Variants in CNTN4 observed in about 807,000 individuals in gnomAD.
CNTN4 encodes contactin-4.
Under a neutral mutation model 122.5 loss-of-function variants are expected in CNTN4, and 77 were observed. The observed-to-expected ratio is 0.63, with a 90% CI of 0.52 to 0.76. The LOEUF is 0.76. CNTN4 is among the 30% of genes least tolerant of loss of function. The pLI, the probability that CNTN4 is intolerant of heterozygous loss-of-function variation, is 0.00. For missense variants in CNTN4, 1,256 were observed against 1,259.1 expected (o/e 1.00, Z 0.04); for synonymous variants, 512 against 447.0 (o/e 1.15, Z -1.83).
At chr3:2,475,597 C>T (rs1190066315) in intron 3 of CNTN4, among the ~76,000 whole-genome samples, 1 of 152,150 alleles carries the variant, frequency 6.6e-6, no homozygotes. Context: ...TTCCCTTCTG[C>T]CAATCTCCCA....
At chr3:2,530,443 G>T (rs925275235) in intron 3 of CNTN4, among the ~76,000 whole-genome samples, 2 of 151,608 alleles carry the variant, frequency 1.3e-5, no homozygotes, top group Non-Finnish European at 2.9e-5. Flanking sequence ...CGGATAGCTG[G>T]GATTACAGAT....
intron 3 of CNTN4, among the ~76,000 whole-genome samples, chr3:2,554,344 A>C (rs2149381775): frequency 6.6e-6 from 1 of 151,328 alleles, no homozygotes; most frequent in African/African-American, 2.4e-5. Context: ...ATTTAGAGCA[A>C]AAAAAAACCC....
At position 2,571,492 on chromosome 3, in the gene CNTN4, C is replaced by T. The variant is rs778610345; in HGVS notation, c.-12C>T. 6.2e-6 allele frequency: 10 copies of T among 1,610,448 alleles called. No individual in the cohort carries two copies. Among genetic ancestry groups the T allele is most frequent in the Admixed American group, 3.3e-5 (2 of 59,990 alleles). On this transcript the variant is annotated 5_prime_UTR_variant, in exon 4 of 25. Coordinates refer to ENST00000418658, the MANE Select transcript of CNTN4 (RefSeq NM_175607.3). ...TTGGACTTGAAACTCCCTTTGACCTCGGAAACTGAAGATGAGGTTGCCATG... is the reference window on the plus strand; with the variant it reads ...TTGGACTTGAAACTCCCTTTGACCTTGGAAACTGAAGATGAGGTTGCCATG...
intron 3 of CNTN4, among the ~76,000 whole-genome samples, chr3:2,423,224 A>G (rs2047678490): frequency 6.6e-6 from 1 of 152,188 alleles, no homozygotes; most frequent in Non-Finnish European, 1.5e-5. Flanking sequence ...TATTTTTTCC[A>G]AATGGACAAT....
chr3:2,241,073 C>A (rs1175054233), intron 2 of CNTN4, among the ~76,000 whole-genome samples: 1 of 151,946 alleles, frequency 6.6e-6, no homozygotes, highest in Non-Finnish European at 1.5e-5. Flanking sequence ...TGTTACTCCC[C>A]TTCAAAAGAA....
chr3:2,708,733 A>T lies in CNTN4; in HGVS notation c.56-27482A>T, dbSNP rs1182502681. Among the ~76,000 whole-genome samples the T allele has an allele frequency of 9.3e-3, 163 of 17,548 alleles. 1 individual carries two copies. The highest frequency in any genetic ancestry group is 0.041 in the Admixed American group (72 of 1,754). 11.5% of individuals were successfully genotyped at this position (17,548 alleles called of 152,430 possible). A position where few individuals can be genotyped will look rare whatever the true frequency, so the allele number is the denominator to read the frequency against. The stretch of plus-strand genomic sequence containing the variant: ...AGGCACGCGCACGCGCGCATCACAC[A>T]CACACACACACACACACACACACAC... On this transcript the variant is annotated intron_variant, in intron 4 of 24. Transcript: ENST00000418658.
intron 2 of CNTN4, among the ~76,000 whole-genome samples, chr3:2,309,967 G>C (rs2150131945): frequency 6.6e-6 from 1 of 152,190 alleles, no homozygotes; most frequent in Non-Finnish European, 1.5e-5. Context: ...AAGCTTACTT[G>C]TATTAAATAC....
At chr3:2,831,386 A>C (rs2093101317) in intron 7 of CNTN4, among the ~76,000 whole-genome samples, 1 of 152,258 alleles carries the variant, frequency 6.6e-6, no homozygotes, top group Non-Finnish European at 1.5e-5. Flanking sequence ...AATAAATACA[A>C]AGTTCCAAAT....
intron 2 of CNTN4, among the ~76,000 whole-genome samples, chr3:2,162,051 A>T (rs72622122): frequency 0.098 from 14,908 of 152,210 alleles, 1,171 homozygotes; most frequent in East Asian, 0.32. Flanking sequence ...TAAATTTTTT[A>T]ATTTAGTTTT....
chr3:2,516,106 ATG>A (rs1237985562), intron 3 of CNTN4, among the ~76,000 whole-genome samples: 1 of 151,930 alleles, frequency 6.6e-6, no homozygotes, highest in African/African-American at 2.4e-5. Context: ...AGGTCTCTAT[ATG>A]TGTCTTACTA....
intron 4 of CNTN4, among the ~76,000 whole-genome samples, chr3:2,596,130 C>G (rs1331946235): frequency 6.6e-6 from 1 of 152,096 alleles, no homozygotes; most frequent in African/African-American, 2.4e-5. Context: ...ACATTAATCT[C>G]ACTGAATATA....
intron 6 of CNTN4, among the ~76,000 whole-genome samples, chr3:2,777,726 C>G (rs991704529): frequency 6.6e-6 from 1 of 152,194 alleles, no homozygotes; most frequent in Non-Finnish European, 1.5e-5. Context: ...AATGTATGTC[C>G]TTTTACCTAG....
chr3:2,355,595 C>T (rs1288119133), intron 3 of CNTN4, among the ~76,000 whole-genome samples: 1 of 152,186 alleles, frequency 6.6e-6, no homozygotes. Context: ...CCCCAATCCC[C>T]TCCTGCGCCC....
chr3:2,532,159 T>G (rs981788805), intron 3 of CNTN4, among the ~76,000 whole-genome samples: 1 of 152,222 alleles, frequency 6.6e-6, no homozygotes, highest in African/African-American at 2.4e-5. Flanking sequence ...TATTGGAAGA[T>G]TATACATTTC....
chr3:2,799,988 C>G (rs1267615762), intron 6 of CNTN4, among the ~76,000 whole-genome samples: 1 of 151,240 alleles, frequency 6.6e-6, no homozygotes, highest in Admixed American at 6.6e-5. Flanking sequence ...GTCTCTTGAT[C>G]TATGTGTCTA....
chr3:2,391,503 A>G (rs538156076), intron 3 of CNTN4, among the ~76,000 whole-genome samples: 46 of 152,326 alleles, frequency 3.0e-4, no homozygotes, highest in African/African-American at 1.1e-3. Flanking sequence ...AAAGTCACAG[A>G]TGAAAACCAG....
chr3:3,051,592 C>G (rs939477438), intron 23 of CNTN4, among the ~76,000 whole-genome samples: 3 of 152,168 alleles, frequency 2.0e-5, no homozygotes, highest in Admixed American at 6.5e-5. Context: ...CTTTGACACT[C>G]CTGAATGTGC....
chr3:2,440,264 A>T (rs2048387678), intron 3 of CNTN4, among the ~76,000 whole-genome samples: 1 of 152,182 alleles, frequency 6.6e-6, no homozygotes, highest in African/African-American at 2.4e-5. Context: ...AGGACAAAAA[A>T]ACCAGATCAC....
intron 7 of CNTN4, among the ~76,000 whole-genome samples, chr3:2,852,943 G>C (rs1002521672): frequency 6.6e-6 from 1 of 152,144 alleles, no homozygotes; most frequent in Non-Finnish European, 1.5e-5. Context: ...AATTACAAGA[G>C]TCATTGGGAA....
Sources: allele counts gnomAD v4.1 joint callset (sites outside exome capture counted in the v4.1 genomes callset), GRCh38; gene constraint gnomAD v4.1.1; transcripts MANE v1.5; gene names NCBI Gene and HGNC (gene_info 2026-07-23, HGNC 2026-07-21).